Variants in LHFPL2 observed in about 807,000 individuals in gnomAD.
LHFPL2 encodes LHFPL tetraspan subfamily member 2.
A neutral mutation model predicts 17.5 loss-of-function variants in LHFPL2; 7 were observed. The ratio of observed to expected loss-of-function variants is 0.40; its 90% CI spans 0.23 to 0.75. LHFPL2 has a LOEUF of 0.75. LHFPL2 is among the 30% of genes least tolerant of loss of function. LHFPL2 has a pLI of 0.37. For synonymous variants in LHFPL2, 134 were observed against 116.2 expected, an observed-to-expected ratio of 1.15 and a Z score of -0.99; for missense variants, 241 against 294.8, an observed-to-expected ratio of 0.82 and a Z score of 1.34.
chr5:78,500,817 T>TCA (rs1754750621), intron 4 of LHFPL2, among the ~76,000 whole-genome samples: 1 of 152,214 alleles, frequency 6.6e-6, no homozygotes, highest in Non-Finnish European at 1.5e-5. Context: ...TGATGACCAG[T>TCA]TCTGAAGTGA....
intron 3 of LHFPL2, among the ~76,000 whole-genome samples, chr5:78,520,728 T>C (rs1267531896): frequency 6.6e-6 from 1 of 152,236 alleles, no homozygotes; most frequent in African/African-American, 2.4e-5. Context: ...ATGTTTTTTT[T>C]CCTGGGGTGG....
intron 1 of LHFPL2, among the ~76,000 whole-genome samples, chr5:78,639,830 A>C (rs1275773755): frequency 6.6e-6 from 1 of 152,206 alleles, no homozygotes; most frequent in Non-Finnish European, 1.5e-5. Context: ...AGAGAAAGTT[A>C]ATTTTTTAAG....
intron 1 of LHFPL2, among the ~76,000 whole-genome samples, chr5:78,634,328 T>C (rs958938304): frequency 6.6e-6 from 1 of 152,212 alleles, no homozygotes; most frequent in East Asian, 1.9e-4. Flanking sequence ...GTGGCTGTGC[T>C]GCAGGAACTC....
In LHFPL2 at chr5:78,647,219, G is replaced by A. The variant is rs147904893; in HGVS notation, c.-350+1280C>T. ...ATCTTAAAAAACATTTCCTCTTCCC[G>A]CGAACATGTGTTCTCTATCTCTTAA... On this transcript the variant is annotated intron_variant, in intron 1 of 4. Transcript: ENST00000380345. 2.0e-5 allele frequency among the ~76,000 whole-genome samples: 3 copies of A among 152,152 alleles called. No individual in the cohort carries two copies. In the East Asian group the frequency reaches 5.8e-4, roughly 29 times the overall value.
At position 78,488,873 on chromosome 5, in the gene LHFPL2, G is replaced by A. The variant is rs17194404; in HGVS notation, c.*24C>T. ...CTGTTTCACAAGATTACTCAAGGGA[G>A]AAAATGGCATTGTCTCTTCCAAACT... On this transcript the variant is annotated 3_prime_UTR_variant, in exon 5 of 5. Transcript: ENST00000380345. 6.3e-3 allele frequency: 10,129 copies of A among 1,610,872 alleles called. 44 individuals are homozygous for A. The highest frequency in any genetic ancestry group is 7.3e-3 in the Non-Finnish European group (8,631 of 1,178,284).
intron 3 of LHFPL2, among the ~76,000 whole-genome samples, chr5:78,552,393 A>G (rs1237195237): frequency 1.3e-5 from 2 of 152,182 alleles, no homozygotes; most frequent in African/African-American, 4.8e-5. Flanking sequence ...TCGGCCTCCC[A>G]AAGTGCTGGG....
chr5:78,586,099 T>C (rs567401850), intron 2 of LHFPL2, among the ~76,000 whole-genome samples: 1 of 152,326 alleles, frequency 6.6e-6, no homozygotes, highest in South Asian at 2.1e-4. Context: ...TCATGTGCCA[T>C]TTGGAAATGT....
chr5:78,498,912 C>G (rs1561306504), intron 4 of LHFPL2, among the ~76,000 whole-genome samples: 1 of 152,220 alleles, frequency 6.6e-6, no homozygotes, highest in Non-Finnish European at 1.5e-5. Flanking sequence ...CCAAGACAGA[C>G]TGGAGGCCTG....
intron 2 of LHFPL2, among the ~76,000 whole-genome samples, chr5:78,586,729 A>C (rs1335063342): frequency 2.0e-5 from 3 of 147,606 alleles, no homozygotes; most frequent in Non-Finnish European, 4.4e-5. Flanking sequence ...ATAGGGGGGA[A>C]AAAAAAGCCA....
At chr5:78,619,554 G>T (rs1323364227) in intron 2 of LHFPL2, among the ~76,000 whole-genome samples, 1 of 146,772 alleles carries the variant, frequency 6.8e-6, no homozygotes, top group Non-Finnish European at 1.5e-5. Context: ...ACAATGTGCA[G>T]GTTTGTTACA....
intron 3 of LHFPL2, among the ~76,000 whole-genome samples, chr5:78,556,764 A>G (rs1326404802): frequency 2.0e-5 from 3 of 152,228 alleles, no homozygotes; most frequent in Non-Finnish European, 4.4e-5. Flanking sequence ...AAATAAAGTT[A>G]TATACAGAGT....
At chr5:78,614,229 T>C (rs908989535) in intron 2 of LHFPL2, among the ~76,000 whole-genome samples, 2 of 152,240 alleles carry the variant, frequency 1.3e-5, no homozygotes, top group Admixed American at 1.3e-4. Flanking sequence ...AGGGGCAGCC[T>C]GGCCTGATCT....
chr5:78,535,325 C>A (rs1755915512), intron 3 of LHFPL2, among the ~76,000 whole-genome samples: 1 of 152,216 alleles, frequency 6.6e-6, no homozygotes, highest in Non-Finnish European at 1.5e-5. Context: ...GACACAGACA[C>A]TGACAGACAG....
intron 2 of LHFPL2, among the ~76,000 whole-genome samples, chr5:78,621,271 C>G (rs1324568075): frequency 6.6e-6 from 1 of 152,124 alleles, no homozygotes; most frequent in African/African-American, 2.4e-5. Context: ...GCAGGCAAAC[C>G]CCAAGTTAGA....
chr5:78,596,931 T>C (rs1743846780), intron 2 of LHFPL2, among the ~76,000 whole-genome samples: 1 of 152,214 alleles, frequency 6.6e-6, no homozygotes, highest in Admixed American at 6.5e-5. Context: ...AGTCTATACA[T>C]TCATATGAAA....
chr5:78,486,870 C>T lies in LHFPL2; in HGVS notation c.*2027G>A, dbSNP rs1177831765. On this transcript the variant is annotated 3_prime_UTR_variant, in exon 5 of 5. Transcript: ENST00000380345. ...AACCTAGTGTCAGAAAATGGTTTCT[C>T]TATCCAAGAAAGAAAGAAAAGTGAG... is the stretch of plus-strand genomic sequence containing the variant. The T allele has an allele frequency of 6.6e-6, 1 of 152,140 alleles. No individual in the cohort carries two copies. The highest frequency in any genetic ancestry group is 6.6e-5 in the Admixed American group (1 of 15,264). 9.4% of individuals were successfully genotyped at this position (152,140 alleles called of 1,614,324 possible).
chr5:78,534,720 C>T (rs538755946), intron 3 of LHFPL2, among the ~76,000 whole-genome samples: 77 of 152,188 alleles, frequency 5.1e-4, no homozygotes, highest in Non-Finnish European at 9.0e-4. Flanking sequence ...GCCTTCTCAG[C>T]CCAAACAGGC....
At chr5:78,625,085 G>A (rs1744985255) in intron 2 of LHFPL2, 1 of 152,240 alleles carries the variant, frequency 6.6e-6, no homozygotes, top group Non-Finnish European at 1.5e-5. Context: ...TGGCAACAGA[G>A]TTGCAATTCT....
intron 3 of LHFPL2, among the ~76,000 whole-genome samples, chr5:78,545,730 T>C (rs1474707576): frequency 2.0e-5 from 3 of 152,226 alleles, no homozygotes; most frequent in Non-Finnish European, 2.9e-5. Flanking sequence ...AAATTCACTC[T>C]TTAGGAGACC....
Sources: allele counts gnomAD v4.1 joint callset (sites outside exome capture counted in the v4.1 genomes callset), GRCh38; gene constraint gnomAD v4.1.1; transcripts MANE v1.5; gene names NCBI Gene and HGNC (gene_info 2026-07-23, HGNC 2026-07-21).